The following PIK3CB variants were observed in gnomAD, a reference collection of about 807,000 sequenced individuals.
The protein encoded by PIK3CB is phosphatidylinositol-4,5-bisphosphate 3-kinase catalytic subunit beta.
Under a neutral mutation model 136.8 loss-of-function variants are expected in PIK3CB, and 39 were observed. The observed-to-expected ratio is 0.29, with a 90% confidence interval of 0.22 to 0.37. The LOEUF is 0.37. Ranked by LOEUF, PIK3CB falls within the 10% of genes least tolerant of loss-of-function variation. PIK3CB has a pLI of 1.00. For synonymous variants in PIK3CB, 428 were observed against 436.6 expected, an observed-to-expected ratio of 0.98 and a Z score of 0.25; for missense variants, 868 against 1,275.4, an observed-to-expected ratio of 0.68 and a Z score of 4.87.
Position 138,816,866 on chromosome 3 carries a change from T to C in PIK3CB, c.-122+17829A>G, listed in dbSNP as rs568301875. On this transcript the variant is annotated intron_variant, in intron 1 of 23. Transcript: ENST00000674063. ...ATCATTCTGAAAAAGATCTAAACCTTAGAGGTCCTATGTATTTCCTTATTT... is the reference window on the plus strand; with the variant it reads ...ATCATTCTGAAAAAGATCTAAACCTCAGAGGTCCTATGTATTTCCTTATTT... Among the ~76,000 whole-genome samples, 8 of 152,134 alleles carry C rather than the reference T, an allele frequency of 5.3e-5. No individual in the cohort carries two copies. The South Asian group carries it at 1.7e-3, about 31-fold the overall frequency.
intron 14 of PIK3CB, among the ~76,000 whole-genome samples, chr3:138,693,380 C>T (rs926147627): frequency 1.3e-5 from 2 of 151,602 alleles, no homozygotes; most frequent in Non-Finnish European, 2.9e-5. Flanking sequence ...TAGGTGTGAG[C>T]CACCACAGCT....
chr3:138,723,941 G>A (rs981629593), intron 8 of PIK3CB, among the ~76,000 whole-genome samples: 1 of 152,132 alleles, frequency 6.6e-6, no homozygotes, highest in Non-Finnish European at 1.5e-5. Flanking sequence ...TTGATCATTT[G>A]TAAAAAGTGA....
Position 138,759,182 on chromosome 3 carries a change from A to G in PIK3CB, c.162T>C (p.Tyr54=), listed in dbSNP as rs781656552. The G allele has an allele frequency of 6.2e-5, 99 of 1,606,964 alleles. No individual in the cohort carries two copies. The highest frequency in any genetic ancestry group is 8.1e-5 in the Non-Finnish European group (95 of 1,174,650). Residue 54 remains tyrosine, a synonymous_variant, in exon 3 of 24, where the codon TAT becomes TAC. Transcript: ENST00000674063. Reference sequence around the variant, plus strand: ...ATACCTATTAACATACCTGCTTAATATAAGAAATGGTAGCTTCCCGAGGTA... The same window carrying G: ...ATACCTATTAACATACCTGCTTAATGTAAGAAATGGTAGCTTCCCGAGGTA... ...LEVPREATIS[Y]IKQMLWKQVH...
chr3:138,789,455 T>C (rs2108810516), intron 2 of PIK3CB, among the ~76,000 whole-genome samples: 1 of 152,102 alleles, frequency 6.6e-6, no homozygotes, highest in East Asian at 1.9e-4. Context: ...TGAGACCCTA[T>C]CTCAAAAAAA....
chr3:138,673,714 C>A (rs538851289), intron 19 of PIK3CB, among the ~76,000 whole-genome samples: 1 of 152,134 alleles, frequency 6.6e-6, no homozygotes, highest in Admixed American at 6.6e-5. Flanking sequence ...CACATACACA[C>A]ACACACACCC....
At chr3:138,755,672 C>A in intron 4 of PIK3CB, 82 bp downstream of exon 4, 1 of 654,530 alleles carries the variant, frequency 1.5e-6, no homozygotes. Context: ...CTTTGAAAAG[C>A]AATGTCTTAA....
chr3:138,719,305 G>A (rs540691198), intron 8 of PIK3CB, among the ~76,000 whole-genome samples: 58 of 128,834 alleles, frequency 4.5e-4, no homozygotes, highest in African/African-American at 1.6e-3. Context: ...CAGTGCAGTG[G>A]CATGATCTCA....
At chr3:138,657,990 G>A (rs2043220874) in intron 21 of PIK3CB, among the ~76,000 whole-genome samples, 155 bp from the exon 22 acceptor site, 1 of 152,130 alleles carries the variant, frequency 6.6e-6, no homozygotes, top group Non-Finnish European at 1.5e-5. Flanking sequence ...GGTGAGAAGA[G>A]ACCATATCTA....
At chr3:138,805,143 T>G (rs1319824791) in intron 1 of PIK3CB, among the ~76,000 whole-genome samples, 1 of 151,792 alleles carries the variant, frequency 6.6e-6, no homozygotes, top group Admixed American at 6.6e-5. Context: ...GAGACCAGCC[T>G]GGCCAACGTG....
At position 138,733,397 on chromosome 3, in the gene PIK3CB, A is replaced by T. The variant is rs1353793273; in HGVS notation, c.1014T>A (p.Val338=). 6.4e-7 allele frequency: 1 copy of T among 1,572,584 alleles called. No individual in the cohort carries two copies. Among genetic ancestry groups the T allele is most frequent in the South Asian group, 1.1e-5 (1 of 88,930 alleles). The change falls in exon 8 of 24, where the codon GTT becomes GTA. Residue 338 remains valine (V), a synonymous_variant. Transcript: ENST00000674063. ...CCTCTGTGTTAAGTTTATTTCCCTT[A>T]ACCAAGACAATTTGGAAAGGGTTGT... is the stretch of plus-strand genomic sequence containing the variant. ...ENNNPFQIVL[V]KGNKLNTEET... is the part of the protein sequence containing the mutation.
intron 17 of PIK3CB, 58 bp downstream of exon 17, chr3:138,684,567 C>A: frequency 7.8e-7 from 1 of 1,278,460 alleles, no homozygotes; most frequent in Non-Finnish European, 1.1e-6. Context: ...TCCCATAAGG[C>A]AGTGACTTTC....
chr3:138,829,807 T>C (rs1933942793), intron 1 of PIK3CB, among the ~76,000 whole-genome samples: 1 of 151,630 alleles, frequency 6.6e-6, no homozygotes, highest in South Asian at 2.1e-4. Context: ...GAAAGAAAAC[T>C]GCTAGGGAAG....
intron 20 of PIK3CB, among the ~76,000 whole-genome samples, 200 bp downstream of exon 20, chr3:138,664,836 T>G (rs973459541): frequency 2.6e-5 from 4 of 152,212 alleles, no homozygotes; most frequent in Admixed American, 2.0e-4. Flanking sequence ...CAAAATTTGA[T>G]TTAGATAAAG....
At chr3:138,725,475 G>A (rs1447155807) in intron 8 of PIK3CB, among the ~76,000 whole-genome samples, 1 of 152,132 alleles carries the variant, frequency 6.6e-6, no homozygotes, top group Non-Finnish European at 1.5e-5. Context: ...TTGCACAAAT[G>A]TTAGACTTTC....
intron 2 of PIK3CB, among the ~76,000 whole-genome samples, chr3:138,760,843 G>A (rs1297306133): frequency 6.6e-6 from 1 of 152,074 alleles, no homozygotes; most frequent in African/African-American, 2.4e-5. Flanking sequence ...AGAATCTAAG[G>A]CTGCATTGAG....
intron 2 of PIK3CB, among the ~76,000 whole-genome samples, chr3:138,789,371 A>T (rs2046022877): frequency 6.6e-6 from 1 of 152,126 alleles, no homozygotes; most frequent in Admixed American, 6.6e-5. Flanking sequence ...AGGTGGGAGG[A>T]TCACTTGAGC....
At chr3:138,824,221 G>C (rs1257129955) in intron 1 of PIK3CB, among the ~76,000 whole-genome samples, 1 of 152,146 alleles carries the variant, frequency 6.6e-6, no homozygotes, top group Non-Finnish European at 1.5e-5. Context: ...CTGCAGGCAT[G>C]GATAATCAGG....
chr3:138,726,262 T>C (rs1015002190), intron 8 of PIK3CB, among the ~76,000 whole-genome samples: 2 of 152,260 alleles, frequency 1.3e-5, no homozygotes, highest in Admixed American at 1.3e-4. Flanking sequence ...GTTGCTTTCC[T>C]GAGCTTATCT....
At chr3:138,744,891 T>C (rs1311251131) in intron 4 of PIK3CB, among the ~76,000 whole-genome samples, 2 of 152,230 alleles carry the variant, frequency 1.3e-5, no homozygotes, top group Non-Finnish European at 2.9e-5. Context: ...TGGTGTTTAT[T>C]AGCTCTTGGA....
Sources: gnomAD v4.1 joint callset for allele counts (sites outside exome capture counted in the v4.1 genomes callset) on GRCh38, gnomAD v4.1.1 for gene constraint, MANE v1.5 for transcripts, NCBI Gene and HGNC (gene_info 2026-07-23, HGNC 2026-07-21) for gene names.